Variants in SH2B1 observed in about 807,000 individuals in gnomAD.
SH2B1 encodes the protein SH2B adapter protein 1.
A neutral mutation model predicts 62.6 loss-of-function variants in SH2B1; 15 were observed. The ratio of observed to expected loss-of-function variants is 0.24; its 90% CI spans 0.16 to 0.37. The LOEUF is 0.37. SH2B1 is among the 10% of genes least tolerant of loss of function. The pLI is 1.00. For synonymous variants in SH2B1, 443 were observed against 438.0 expected (o/e 1.01, Z -0.14); for missense variants, 925 against 1,015.6 (o/e 0.91, Z 1.21).
Position 28,873,977 on chromosome 16 carries a change from C to A in SH2B1, c.*157C>A. 1 of 674,504 alleles carries A rather than the reference C, an allele frequency of 1.5e-6. No individual in the cohort carries two copies. Among genetic ancestry groups the A allele is most frequent in the Non-Finnish European group, 2.1e-6 (1 of 465,658 alleles). 41.8% of individuals were successfully genotyped at this position (674,504 alleles called of 1,614,324 possible). A position where few individuals can be genotyped will look rare whatever the true frequency, so the allele number is the denominator to read the frequency against. On this transcript the variant is annotated 3_prime_UTR_variant, in exon 8 of 8. Coordinates refer to ENST00000684370, the MANE Select transcript of SH2B1 (RefSeq NM_001387430.1). This position sits in a 1 kb window ranked among gnomAD's most constrained non-coding sequence, Gnocchi z 4.2. Reference sequence around the variant, plus strand: ...GGTACAAGCAGAGGCTCGGGAGAGGCTCCCGTCACACACTACAGGTCCCCT... The same window carrying A: ...GGTACAAGCAGAGGCTCGGGAGAGGATCCCGTCACACACTACAGGTCCCCT...
At chr16:28,860,517 A>G (rs1162884938), upstream of SH2B1, among the ~76,000 whole-genome samples, 1 of 151,666 alleles carries the variant, frequency 6.6e-6, no homozygotes, top group Non-Finnish European at 1.5e-5. Flanking sequence ...TGCTGGAATT[A>G]CAGGCGGGAG....
At chr16:28,851,912 C>T (rs963384804) in intron 1 of SH2B1, among the ~76,000 whole-genome samples, 1 of 149,754 alleles carries the variant, frequency 6.7e-6, no homozygotes, top group African/African-American at 2.4e-5. Context: ...ATTAAAAATA[C>T]AAAAAATAGT....
chr16:28,855,513 G>A (rs893211344), intron 1 of SH2B1, among the ~76,000 whole-genome samples: 2 of 152,078 alleles, frequency 1.3e-5, no homozygotes, highest in South Asian at 2.1e-4. Context: ...GAGCCACCGC[G>A]CCCGGCCCCC....
chr16:28,862,216 G>A (rs1365652136), upstream of SH2B1: 1 of 152,162 alleles, frequency 6.6e-6, no homozygotes, highest in Non-Finnish European at 1.5e-5. Flanking sequence ...TTCTCTAACT[G>A]GCCTTGATGT....
At position 28,872,084 on chromosome 16, in the gene SH2B1, C is replaced by T. The variant is rs1487909904; in HGVS notation, c.1513+101C>T. The T allele has an allele frequency of 1.6e-5, 22 of 1,362,066 alleles. No individual in the cohort carries two copies. Among genetic ancestry groups the T allele is most frequent in the Middle Eastern group, 2.5e-4 (1 of 4,050 alleles). The allele number at this position is 1,362,066 out of a possible 1,614,324, so 84.4% of individuals were successfully genotyped here. A position where few individuals can be genotyped will look rare whatever the true frequency, so the allele number is the denominator to read the frequency against. The stretch of plus-strand genomic sequence containing the variant: ...GGAGCTGGCCCAGGGGAGTTGGGGA[C>T]GCATGTGGGGAGCAGGCGCCTTGAG... On this transcript the variant is annotated intron_variant, in intron 5 of 7. Coordinates refer to ENST00000684370, the MANE Select transcript of SH2B1 (RefSeq NM_001387430.1). This position sits in a 1 kb window ranked among gnomAD's most constrained non-coding sequence, Gnocchi z 5.3.
At chr16:28,852,853 TTTA>T in intron 1 of SH2B1, among the ~76,000 whole-genome samples, 1 of 58,086 alleles carries the variant, frequency 1.7e-5, no homozygotes, top group Non-Finnish European at 3.3e-5. Flanking sequence ...TATATATATT[TTTA>T]TATATATTTA....
chr16:28,871,460 C>G (rs1193787053), intron 4 of SH2B1, among the ~76,000 whole-genome samples: 1 of 152,196 alleles, frequency 6.6e-6, no homozygotes, highest in Non-Finnish European at 1.5e-5. Context: ...GACCCCTTCT[C>G]TACAAAAACA....
rs1420907651 is a variant in SH2B1 at position 28,872,906 on chromosome 16, C to T, written c.1897+201C>T. Reference sequence around the variant, plus strand: ...TAGGACACAGGAAGGCAGAAGGCTCCTGGCCGGAGCCGGGGCGGCAGCTGA... The same window carrying T: ...TAGGACACAGGAAGGCAGAAGGCTCTTGGCCGGAGCCGGGGCGGCAGCTGA... On this transcript the variant is annotated intron_variant, in intron 7 of 7. Transcript: ENST00000684370. The surrounding 1 kb of genome is among the most constrained non-coding windows in gnomAD (Gnocchi z 5.3). 5 of 750,110 alleles carry T rather than the reference C, an allele frequency of 6.7e-6. No individual in the cohort carries two copies. Among genetic ancestry groups the T allele is most frequent in the Non-Finnish European group, 1.1e-5 (5 of 460,496 alleles). 46.5% of individuals were successfully genotyped at this position (750,110 alleles called of 1,614,324 possible). A position where few individuals can be genotyped will look rare whatever the true frequency, so the allele number is the denominator to read the frequency against.
upstream of SH2B1, chr16:28,863,756 T>G (rs927275233): frequency 1.3e-6 from 2 of 1,535,428 alleles, no homozygotes; most frequent in African/African-American, 1.4e-5. Context: ...ATGGCGGAAG[T>G]AAGTATGAAG....
In SH2B1 at chr16:28,852,841, C is replaced by A. The variant is rs1232323322; in HGVS notation, c.-301+6014C>A. Reference sequence around the variant, plus strand: ...TTACATATATATTTATATATATATACATATATATATTTTTATATATATTTA... The same window carrying A: ...TTACATATATATTTATATATATATAAATATATATATTTTTATATATATTTA... On this transcript the variant is annotated intron_variant, in intron 1 of 10. Transcript: ENST00000322610. 1.5e-4 allele frequency among the ~76,000 whole-genome samples: 5 copies of A among 32,726 alleles called. 1 individual carries two copies. The highest frequency in any genetic ancestry group is 1.1e-3 in the Admixed American group (2 of 1,818). 21.5% of individuals were successfully genotyped at this position (32,726 alleles called of 152,430 possible). A position where few individuals can be genotyped will look rare whatever the true frequency, so the allele number is the denominator to read the frequency against.
Position 28,871,811 on chromosome 16 carries a change from G to A in SH2B1, c.1341G>A (p.Ser447=), listed in dbSNP as rs529774248. Residue 447 remains serine (S), a synonymous_variant, in exon 5 of 8, where the codon TCG becomes TCA. Transcript: ENST00000684370. ...ATGGGGGCCTCTCAGACCGCCCCTCGGCATCCATCTCCCCCAGCTCTGCCT... is the reference window on the plus strand; with the variant it reads ...ATGGGGGCCTCTCAGACCGCCCCTCAGCATCCATCTCCCCCAGCTCTGCCT... ...GAYGGLSDRP[S]ASISPSSASI... 1.1e-5 allele frequency: 17 copies of A among 1,613,794 alleles called. No homozygotes were observed. The South Asian group carries it at 1.5e-4, about 15-fold the overall frequency.
chr16:28,853,842 C>CA (rs1962262721), intron 1 of SH2B1, among the ~76,000 whole-genome samples: 2 of 150,020 alleles, frequency 1.3e-5, no homozygotes, highest in Non-Finnish European at 3.0e-5. Context: ...TACTAAAATA[C>CA]AAAAAAAATT....
intron 1 of SH2B1, among the ~76,000 whole-genome samples, chr16:28,851,968 G>A (rs1260681419): frequency 6.7e-6 from 1 of 149,550 alleles, no homozygotes; most frequent in African/African-American, 2.4e-5. Flanking sequence ...TCAGGAGGCT[G>A]AGGCAGAAGA....
Position 28,866,887 on chromosome 16 carries a change from C to T in SH2B1, c.793C>T (p.Pro265Ser). 6.2e-7 allele frequency: 1 copy of T among 1,611,700 alleles called. No individual in the cohort carries two copies. The highest frequency in any genetic ancestry group is 8.5e-7 in the Non-Finnish European group (1 of 1,179,186). ...FMGAEEAAPD[P>S]AGVGRGGGVA... ...GGGGGCTGAGGAGGCAGCCCCTGAC[C>T]CAGCCGGAGTGGGCCGGGGAGGAGG... The change falls in exon 1 of 8, where the codon CCA (proline) becomes TCA (serine). Residue 265 changes from proline to serine, a missense_variant. Pro to Ser is a moderately conservative substitution (Grantham distance 74). Transcript: ENST00000684370. The surrounding 1 kb of genome is among the most constrained non-coding windows in gnomAD (Gnocchi z 6.3).
At chr16:28,852,244 T>C (rs1464465254) in intron 1 of SH2B1, among the ~76,000 whole-genome samples, 2 of 98,598 alleles carry the variant, frequency 2.0e-5, no homozygotes, top group African/African-American at 9.9e-5. Flanking sequence ...ATATATATAT[T>C]TACATATATA....
Position 28,873,340 on chromosome 16 carries a change from G to A in SH2B1, c.1898-107G>A. ...TGGATGGGGGGTTGCTCAGGAGATG[G>A]GATGTGGGGAGACAGCCACGCTCCT... On this transcript the variant is annotated intron_variant, in intron 7 of 7. Coordinates refer to ENST00000684370, the MANE Select transcript of SH2B1 (RefSeq NM_001387430.1). The surrounding 1 kb of genome is among the most constrained non-coding windows in gnomAD (Gnocchi z 4.2). 1 of 1,589,432 alleles carries A rather than the reference G, an allele frequency of 6.3e-7. No homozygotes were observed. The highest frequency in any genetic ancestry group is 8.5e-7 in the Non-Finnish European group (1 of 1,169,944).
At chr16:28,870,029 C>G (rs192309978) in intron 4 of SH2B1, among the ~76,000 whole-genome samples, 2 of 152,302 alleles carry the variant, frequency 1.3e-5, no homozygotes, top group Admixed American at 6.5e-5. Context: ...TAGCTAAGAC[C>G]AGGGAGAGGA....
intron 2 of SH2B1, 119 bp downstream of exon 2, chr16:28,867,551 T>G: frequency 2.7e-6 from 2 of 745,926 alleles, no homozygotes; most frequent in Non-Finnish European, 4.8e-6. Flanking sequence ...GCCTTGAGAG[T>G]GTGTCCCTGG....
At chr16:28,863,648 G>T, upstream of SH2B1, 1 of 1,528,304 alleles carries the variant, frequency 6.5e-7, no homozygotes, top group Non-Finnish European at 8.8e-7. Context: ...TTCCCCCGCT[G>T]CGTCTGTGGT....
Sources: allele counts gnomAD v4.1 joint callset (sites outside exome capture counted in the v4.1 genomes callset), GRCh38; gene constraint gnomAD v4.1.1; non-coding constraint Gnocchi (gnomAD v3.1); transcripts MANE v1.5; gene names NCBI Gene and HGNC (gene_info 2026-07-23, HGNC 2026-07-21).